TAL1: variants seen among roughly 807,000 people sequenced by gnomAD.
The protein encoded by TAL1 is T-cell acute lymphocytic leukemia protein 1.
Under a neutral mutation model 17.9 loss-of-function variants are expected in TAL1, and 8 were observed. That is an observed-to-expected ratio of 0.45 (90% CI 0.26 to 0.81). The LOEUF (loss-of-function observed/expected upper bound fraction) is 0.81. Among genes scored for constraint, TAL1 ranks in the 30% least tolerant of loss-of-function variants. The pLI is 0.17. For missense variants in TAL1, 466 were observed against 486.9 expected, an observed-to-expected ratio of 0.96 and a Z score of 0.40; for synonymous variants, 223 against 218.6, an observed-to-expected ratio of 1.02 and a Z score of -0.18.
exon 4 of TAL1, chr1:47,218,259 A>G (rs916416851): frequency 2.1e-5 from 5 of 233,022 alleles, no homozygotes; most frequent in African/African-American, 1.1e-4. Flanking sequence ...AATTTGTCCC[A>G]TGGGCTTAGA....
upstream of TAL1, chr1:47,231,541 TC>T (rs1644014318): frequency 8.6e-6 from 2 of 232,906 alleles, no homozygotes; most frequent in Non-Finnish European, 8.5e-6. Context: ...CACAACGAAA[TC>T]AGTCAAACGC....
chr1:47,226,096 G>C, intron 1 of TAL1: 2 of 512,030 alleles, frequency 3.9e-6, no homozygotes, highest in South Asian at 5.8e-5. Context: ...CTCTGGATTG[G>C]GAGAAGGGAG....
rs145718620 is a variant in TAL1 at position 47,223,086 on chromosome 1, C to T, written c.541+918G>A. Reference sequence around the variant, plus strand: ...CTCTCCAGAACACCACAGAGGGCTCCACTCCAGAGGCTCCAGCTCCATACT... The same window carrying T: ...CTCTCCAGAACACCACAGAGGGCTCTACTCCAGAGGCTCCAGCTCCATACT... On this transcript the variant is annotated intron_variant, in intron 3 of 3. Coordinates refer to ENST00000294339, the Ensembl canonical transcript of TAL1. Among the ~76,000 whole-genome samples the T allele has an allele frequency of 1.1e-4, 16 of 152,296 alleles. No homozygotes were observed. The East Asian group carries it at 3.1e-3, about 29-fold the overall frequency.
At position 47,217,265 on chromosome 1, in the gene TAL1, G is replaced by A. The variant is rs1484718220; in HGVS notation, c.*2455C>T. ...TAGCCAGGTGTGGTGGCTCACACCT[G>A]TGGTCCTCCCTACTCGGGAGGCTGA... On this transcript the variant is annotated 3_prime_UTR_variant, in exon 4 of 4. Transcript: ENST00000294339. 5 of 365,424 alleles carry A rather than the reference G, an allele frequency of 1.4e-5. No homozygotes were observed. In the Admixed American group the frequency reaches 1.4e-4, roughly 10 times the overall value. 22.6% of individuals were successfully genotyped at this position (365,424 alleles called of 1,614,324 possible). A position where few individuals can be genotyped will look rare whatever the true frequency, so the allele number is the denominator to read the frequency against.
Position 47,228,162 on chromosome 1 carries a change from A to T in TAL1, c.-2+1034T>A, listed in dbSNP as rs76846781. 221 of 163,706 alleles carry T rather than the reference A, an allele frequency of 1.3e-3. 2 individuals carry two copies. The East Asian group carries it at 0.025, about 19-fold the overall frequency. 10.1% of individuals were successfully genotyped at this position (163,706 alleles called of 1,614,324 possible). A position where few individuals can be genotyped will look rare whatever the true frequency, so the allele number is the denominator to read the frequency against. On this transcript the variant is annotated intron_variant, in intron 1 of 3. Transcript: ENST00000294339. ...CCATCGCCAAGGTTCCTTGTAAGAA[A>T]TATATGATTGGATCCCAGGATCTGT...
chr1:47,226,492 C>A (rs1643913851), intron 1 of TAL1, among the ~76,000 whole-genome samples: 1 of 152,178 alleles, frequency 6.6e-6, no homozygotes, highest in African/African-American at 2.4e-5. Context: ...TCCGCCAGAG[C>A]TGGCAGAGAA....
At chr1:47,219,835 G>C (rs765173173) in exon 4 of TAL1, 1 of 1,602,438 alleles carries the variant, frequency 6.2e-7, no homozygotes, top group South Asian at 1.1e-5. Flanking sequence ...CCCATCCAGG[G>C]AGCTGCCGCA....
At chr1:47,218,999 A>C in exon 4 of TAL1, 1 of 278,806 alleles carries the variant, frequency 3.6e-6, no homozygotes, top group Non-Finnish European at 6.9e-6. Flanking sequence ...TCAGGGCTGC[A>C]GACATTGTCT....
At chr1:47,229,968 A>G (rs1220538877), upstream of TAL1, 3 of 152,244 alleles carry the variant, frequency 2.0e-5, no homozygotes, top group African/African-American at 7.2e-5. Context: ...GGGCTTGGAG[A>G]GAGATATCTG....
chr1:47,229,598 T>G (rs1263454116), exon 1 of TAL1: 1 of 162,120 alleles, frequency 6.2e-6, no homozygotes, highest in Non-Finnish European at 1.4e-5. Flanking sequence ...GAATAGCTAT[T>G]TAGTCCAACA....
rs116910567 is a variant in TAL1, at chr1:47,219,261, T to C, written c.*459A>G. 840 of 448,368 alleles carry C rather than the reference T, an allele frequency of 1.9e-3. 7 individuals are homozygous for C. The East Asian group carries it at 0.027, about 14-fold the overall frequency. The allele number at this position is 448,368 out of a possible 1,614,324, so 27.8% of individuals were successfully genotyped here. A position where few individuals can be genotyped will look rare whatever the true frequency, so the allele number is the denominator to read the frequency against. On this transcript the variant is annotated 3_prime_UTR_variant, in exon 4 of 4. Coordinates refer to ENST00000294339, the Ensembl canonical transcript of TAL1. ...AGATGGGGCTCACGAAATGGGCAGC[T>C]ATTGGGTACCTATAAATATGGACAG...
rs1464377428 is a variant in TAL1 at position 47,225,695 on chromosome 1, G to A, written c.194C>T (p.Ala65Val). Residue 65 changes from alanine (A) to valine (V), a missense_variant, in exon 2 of 4, where the codon GCC becomes GTC. Physicochemically the swap from Ala to Val is moderately conservative, Grantham distance 64. Transcript: ENST00000294339. ...GTCTCTCGCGGCGCCGCCCCCACCGGCAGGGCCGCCCCCCGGGCCTCCGCG... is the reference window on the plus strand; with the variant it reads ...GTCTCTCGCGGCGCCGCCCCCACCGACAGGGCCGCCCCCCGGGCCTCCGCG... 18 of 1,434,474 alleles carry A rather than the reference G, an allele frequency of 1.3e-5. No individual in the cohort carries two copies. In the Admixed American group the frequency reaches 5.3e-4, roughly 43 times the overall value. The allele number at this position is 1,434,474 out of a possible 1,614,324, so 88.9% of individuals were successfully genotyped here. A position where few individuals can be genotyped will look rare whatever the true frequency, so the allele number is the denominator to read the frequency against.
intron 3 of TAL1, among the ~76,000 whole-genome samples, chr1:47,222,298 G>A (rs1245116078): frequency 1.3e-5 from 2 of 152,184 alleles, no homozygotes; most frequent in African/African-American, 2.4e-5. Flanking sequence ...GTGTTATGAG[G>A]GTGGTCCAGG....
At chr1:47,231,037 C>T (rs1349571032), upstream of TAL1, 2 of 154,374 alleles carry the variant, frequency 1.3e-5, no homozygotes, top group African/African-American at 4.8e-5. Context: ...GCCGCACCCA[C>T]GAAACTGACC....
At chr1:47,220,468 G>A (rs542900426) in intron 3 of TAL1, among the ~76,000 whole-genome samples, 3 of 152,218 alleles carry the variant, frequency 2.0e-5, no homozygotes, top group East Asian at 3.9e-4. Context: ...TATATTTGAG[G>A]ACAGGGACCG....
At chr1:47,225,355 C>G (rs1569912286) in intron 2 of TAL1, 88 bp downstream of exon 3, 4 of 1,170,376 alleles carry the variant, frequency 3.4e-6, no homozygotes, top group Non-Finnish European at 4.3e-6. Context: ...CAGGGCAGGC[C>G]GCCGCCGATG....
chr1:47,227,170 G>A (rs1333035748), intron 1 of TAL1: 1 of 152,118 alleles, frequency 6.6e-6, no homozygotes, highest in Non-Finnish European at 1.5e-5. Context: ...CAGGTGTGCT[G>A]GGGCTCTTCC....
In TAL1 at chr1:47,223,997, G is replaced by C. The variant is rs759929021; in HGVS notation, c.541+7C>G. On this transcript the variant is annotated splice_region_variant and intron_variant, in intron 3 of 3. Coordinates refer to ENST00000294339, the Ensembl canonical transcript of TAL1. ...GCAGGTACAACGGTGGGGTGGGGCA[G>C]ACTCACCATCAGTAATCTCCATCTC... 1.9e-6 allele frequency: 3 copies of C among 1,613,234 alleles called. No individual in the cohort carries two copies. The South Asian group carries it at 3.3e-5, about 18-fold the overall frequency.
At chr1:47,220,224 C>T (rs367835712) in intron 3 of TAL1, 50 bp from the exon 5 acceptor site, 4 of 1,469,866 alleles carry the variant, frequency 2.7e-6, no homozygotes, top group Admixed American at 2.3e-5. Flanking sequence ...AGATTCCTTC[C>T]CCAAAGGCAT....
Sources: gnomAD v4.1 joint callset for allele counts (sites outside exome capture counted in the v4.1 genomes callset) on GRCh38, gnomAD v4.1.1 for gene constraint, MANE v1.5 for transcripts, NCBI Gene and HGNC (gene_info 2026-07-23, HGNC 2026-07-21) for gene names.